The following NRXN1 variants were observed in gnomAD, a reference collection of about 807,000 sequenced individuals.
The protein encoded by NRXN1 is neurexin 1, also known as neurexin-1.
Under a neutral mutation model 150.9 loss-of-function variants are expected in NRXN1, and 39 were observed. That is an observed-to-expected ratio of 0.26 (90% CI 0.20 to 0.34). The LOEUF (loss-of-function observed/expected upper bound fraction) is 0.34, where lower values mean the gene tolerates loss of function less well. NRXN1 is among the 10% of genes least tolerant of loss of function. NRXN1 has a pLI of 1.00. For synonymous variants in NRXN1, 924 were observed against 757.0 expected (o/e 1.22, Z -3.62); for missense variants, 1,815 against 1,949.9 (o/e 0.93, Z 1.30).
chr2:50,847,616 G>A (rs966646962), intron 5 of NRXN1, among the ~76,000 whole-genome samples: 3 of 152,112 alleles, frequency 2.0e-5, no homozygotes, highest in Non-Finnish European at 2.9e-5. Context: ...TATAAAAACC[G>A]GAGACCCTAG....
At chr2:50,226,881 A>G (rs976644524) in intron 18 of NRXN1, among the ~76,000 whole-genome samples, 2 of 152,032 alleles carry the variant, frequency 1.3e-5, no homozygotes, top group Admixed American at 1.3e-4. Context: ...ACATTTTCAG[A>G]ACACACATAG....
chr2:50,433,045 A>T (rs1182080902), intron 17 of NRXN1, among the ~76,000 whole-genome samples: 4 of 152,214 alleles, frequency 2.6e-5, no homozygotes, highest in African/African-American at 9.7e-5. Context: ...CTTAATAAAA[A>T]ATGATACATA....
At position 50,346,381 on chromosome 2, in the gene NRXN1, C is replaced by T. The variant is rs1439469033; in HGVS notation, c.3365-109411G>A. ...CGGCCACTGAGTGACCTTCTGGCAA[C>T]TGACGCCCCCTTCCCGCGGGGCCCA... On this transcript the variant is annotated intron_variant, in intron 17 of 22. Coordinates refer to ENST00000401669, the MANE Select transcript of NRXN1 (RefSeq NM_001330078.2). This position sits in a 1 kb window ranked among gnomAD's most constrained non-coding sequence, Gnocchi z 5.0. Among the ~76,000 whole-genome samples, 1 of 152,142 alleles carries T rather than the reference C, an allele frequency of 6.6e-6. No individual in the cohort carries two copies. The highest frequency in any genetic ancestry group is 6.5e-5 in the Admixed American group (1 of 15,290).
chr2:50,980,061 G>C (rs772266429), intron 2 of NRXN1, among the ~76,000 whole-genome samples: 1 of 152,034 alleles, frequency 6.6e-6, no homozygotes, highest in Non-Finnish European at 1.5e-5. Flanking sequence ...TTTGCATATC[G>C]TTCTCTTAGT....
Position 50,287,796 on chromosome 2 carries a change from G to C in NRXN1, c.3365-50826C>G, listed in dbSNP as rs191088170. On this transcript the variant is annotated intron_variant, in intron 17 of 22. Transcript: ENST00000401669. ...AAGATTTAATTTCCCATATGTTGCA[G>C]CACGCTTAATTCATTTAAGAGGTGA... Among the ~76,000 whole-genome samples the C allele has an allele frequency of 1.5e-3, 225 of 152,176 alleles. 1 individual carries two copies. Among genetic ancestry groups the C allele is most frequent in the Non-Finnish European group, 2.0e-3 (137 of 67,986 alleles).
chr2:50,984,184 C>T (rs1162687197), intron 2 of NRXN1, among the ~76,000 whole-genome samples: 1 of 124,084 alleles, frequency 8.1e-6, no homozygotes, highest in African/African-American at 3.1e-5. Flanking sequence ...GGGGTTTCAC[C>T]ATGTTGGCTA....
At chr2:50,807,582 C>T (rs1487803332) in intron 5 of NRXN1, among the ~76,000 whole-genome samples, 2 of 152,038 alleles carry the variant, frequency 1.3e-5, no homozygotes, top group African/African-American at 4.8e-5. Flanking sequence ...AGTGTTTCCC[C>T]AGCAGAAGGG....
chr2:50,494,914 C>T (rs556626668), intron 15 of NRXN1, among the ~76,000 whole-genome samples: 2 of 151,832 alleles, frequency 1.3e-5, no homozygotes, highest in African/African-American at 2.4e-5. Flanking sequence ...GCCTGTAATC[C>T]CAGCTACTTG....
intron 2 of NRXN1, among the ~76,000 whole-genome samples, chr2:50,962,011 A>G (rs975583396): frequency 2.0e-5 from 3 of 151,736 alleles, no homozygotes; most frequent in Admixed American, 6.6e-5. Context: ...TAAAGGCAAT[A>G]TAAGAAATCT....
intron 5 of NRXN1, among the ~76,000 whole-genome samples, chr2:50,657,718 A>G (rs1309390082): frequency 1.3e-5 from 2 of 152,000 alleles, no homozygotes; most frequent in Non-Finnish European, 2.9e-5. Flanking sequence ...AAAAAGACAA[A>G]AAAGAAGTAT....
At chr2:50,573,956 A>G (rs1281388513) in intron 8 of NRXN1, among the ~76,000 whole-genome samples, 1 of 152,088 alleles carries the variant, frequency 6.6e-6, no homozygotes, top group Non-Finnish European at 1.5e-5. Context: ...TGCCATGTGG[A>G]TGAGGAGGGG....
At chr2:50,451,247 G>T (rs1386023877) in intron 17 of NRXN1, among the ~76,000 whole-genome samples, 2 of 152,184 alleles carry the variant, frequency 1.3e-5, no homozygotes, top group Non-Finnish European at 2.9e-5. Context: ...GGTATTACAG[G>T]CGTGAGTCAC....
intron 21 of NRXN1, among the ~76,000 whole-genome samples, chr2:49,962,132 T>A (rs1676075604): frequency 6.6e-6 from 1 of 152,144 alleles, no homozygotes; most frequent in African/African-American, 2.4e-5. Flanking sequence ...AGGTATTCAA[T>A]TCTTTGGGTG....
At chr2:50,492,024 T>C (rs1054602986) in intron 15 of NRXN1, among the ~76,000 whole-genome samples, 3 of 152,072 alleles carry the variant, frequency 2.0e-5, no homozygotes, top group African/African-American at 7.2e-5. Flanking sequence ...AAATATTAGC[T>C]CCCTCCCATA....
intron 2 of NRXN1, among the ~76,000 whole-genome samples, chr2:51,022,183 G>A (rs1417110674): frequency 1.3e-5 from 2 of 152,094 alleles, no homozygotes; most frequent in South Asian, 2.1e-4. Context: ...TGAGGTAATA[G>A]TAACAAAAGT....
At chr2:50,645,270 C>T (rs1684660987) in intron 5 of NRXN1, among the ~76,000 whole-genome samples, 1 of 151,678 alleles carries the variant, frequency 6.6e-6, no homozygotes, top group Non-Finnish European at 1.5e-5. Flanking sequence ...AAATAGATAT[C>T]CAAAGACACA....
intron 13 of NRXN1, among the ~76,000 whole-genome samples, chr2:50,505,538 T>C (rs2104990519): frequency 6.6e-6 from 1 of 152,314 alleles, no homozygotes; most frequent in African/African-American, 2.4e-5. Flanking sequence ...TGGATGCTGA[T>C]CTAAGAAACA....
intron 9 of NRXN1, among the ~76,000 whole-genome samples, chr2:50,547,702 C>A (rs941817815): frequency 1.3e-5 from 2 of 152,174 alleles, no homozygotes; most frequent in African/African-American, 2.4e-5. Context: ...TTTTGCAGCA[C>A]TGAAGTCATC....
intron 8 of NRXN1, among the ~76,000 whole-genome samples, chr2:50,592,954 G>T (rs1187828858): frequency 6.6e-6 from 1 of 152,176 alleles, no homozygotes; most frequent in African/African-American, 2.4e-5. Flanking sequence ...GGAAGGCCTC[G>T]TAGCCAAATG....
Sources: allele counts gnomAD v4.1 joint callset (sites outside exome capture counted in the v4.1 genomes callset), GRCh38; gene constraint gnomAD v4.1.1; non-coding constraint Gnocchi (gnomAD v3.1); transcripts MANE v1.5; gene names NCBI Gene and HGNC (gene_info 2026-07-23, HGNC 2026-07-21).